The following YPEL2 variants were observed in gnomAD, a reference collection of about 807,000 sequenced individuals.
The protein encoded by YPEL2 is protein yippee-like 2.
A neutral mutation model predicts 19.1 loss-of-function variants in YPEL2; 2 were observed. The ratio of observed to expected loss-of-function variants is 0.10; its 90% CI spans 0.04 to 0.33. The LOEUF (loss-of-function observed/expected upper bound fraction) is 0.33, where lower values mean the gene tolerates loss of function less well. Among genes scored for constraint, YPEL2 ranks in the 10% least tolerant of loss-of-function variants. YPEL2 has a pLI of 1.00. For missense variants in YPEL2, 66 were observed against 140.7 expected (o/e 0.47, Z 2.68); for synonymous variants, 52 against 50.0 (o/e 1.04, Z -0.17).
intron 1 of YPEL2, among the ~76,000 whole-genome samples, chr17:59,339,350 T>G (rs1167129479): frequency 6.6e-6 from 1 of 152,158 alleles, no homozygotes; most frequent in Non-Finnish European, 1.5e-5. Flanking sequence ...GGAAAAGTTA[T>G]CCCCACACTT....
intron 2 of YPEL2, among the ~76,000 whole-genome samples, chr17:59,378,562 C>T (rs2047933889): frequency 1.3e-5 from 2 of 152,078 alleles, no homozygotes; most frequent in South Asian, 4.1e-4. Context: ...TCTTGAACTC[C>T]CTGACCTCAG....
chr17:59,381,904 G>C (rs181656111), intron 2 of YPEL2, among the ~76,000 whole-genome samples: 1 of 152,244 alleles, frequency 6.6e-6, no homozygotes, highest in Non-Finnish European at 1.5e-5. Context: ...TATTCTAATT[G>C]CTTCCTTAAC....
At chr17:59,372,712 A>G (rs954834350) in intron 2 of YPEL2, among the ~76,000 whole-genome samples, 6 of 152,200 alleles carry the variant, frequency 3.9e-5, no homozygotes, top group African/African-American at 2.4e-5. Flanking sequence ...GCAGATGCCT[A>G]AGAGAGGCAG....
chr17:59,375,072 G>A (rs1305559595), intron 2 of YPEL2, among the ~76,000 whole-genome samples: 2 of 152,180 alleles, frequency 1.3e-5, no homozygotes, highest in Admixed American at 6.5e-5. Flanking sequence ...AGAGTGATTG[G>A]CAGTAGAATG....
chr17:59,384,042 G>A (rs1026557646), intron 2 of YPEL2, among the ~76,000 whole-genome samples: 3 of 152,120 alleles, frequency 2.0e-5, no homozygotes, highest in African/African-American at 4.8e-5. Flanking sequence ...TGCCAGACTC[G>A]TTTCCAAAGT....
intron 1 of YPEL2, among the ~76,000 whole-genome samples, chr17:59,352,261 T>A (rs1049396132): frequency 6.6e-6 from 1 of 152,304 alleles, no homozygotes; most frequent in Non-Finnish European, 1.5e-5. Flanking sequence ...GGATAGCAGG[T>A]GCGGAAGCCT....
At chr17:59,372,450 G>A (rs903585921) in intron 2 of YPEL2, among the ~76,000 whole-genome samples, 2 of 152,172 alleles carry the variant, frequency 1.3e-5, no homozygotes, top group Admixed American at 6.5e-5. Flanking sequence ...ATGGCTTGCT[G>A]TCCTGGCTGG....
chr17:59,351,472 C>A (rs1207684261), intron 1 of YPEL2, among the ~76,000 whole-genome samples: 4 of 152,126 alleles, frequency 2.6e-5, no homozygotes, highest in Non-Finnish European at 5.9e-5. Context: ...ACTCTGGCAC[C>A]CAACAGCATT....
At chr17:59,376,966 A>C (rs1224410885) in intron 2 of YPEL2, among the ~76,000 whole-genome samples, 6 of 149,272 alleles carry the variant, frequency 4.0e-5, no homozygotes, top group Non-Finnish European at 8.8e-5. Context: ...AAAAAAAAAA[A>C]AAAAAAAAAC....
At chr17:59,363,469 G>A (rs773581915) in intron 2 of YPEL2, among the ~76,000 whole-genome samples, 1 of 151,832 alleles carries the variant, frequency 6.6e-6, no homozygotes, top group African/African-American at 2.4e-5. Context: ...CACCAGGCCC[G>A]GCTAATTTTT....
chr17:59,367,730 A>T (rs538886577), intron 2 of YPEL2, among the ~76,000 whole-genome samples: 183 of 152,258 alleles, frequency 1.2e-3, no homozygotes, highest in African/African-American at 4.2e-3. Context: ...GTCTTAATTG[A>T]CACCCTGGTG....
At chr17:59,363,776 T>C (rs559310205) in intron 2 of YPEL2, among the ~76,000 whole-genome samples, 7 of 152,366 alleles carry the variant, frequency 4.6e-5, no homozygotes, top group African/African-American at 1.4e-4. Context: ...GATCTGCTCA[T>C]GTACTTTTTG....
In YPEL2 at chr17:59,389,516, A is replaced by G. The variant is rs369765495; in HGVS notation, c.270+48A>G. The G allele has an allele frequency of 2.5e-4, 369 of 1,472,136 alleles. 1 individual carries two copies. The highest frequency in any genetic ancestry group is 4.9e-5 in the Non-Finnish European group (52 of 1,060,424). 91.2% of individuals were successfully genotyped at this position (1,472,136 alleles called of 1,614,324 possible). On this transcript the variant is annotated intron_variant, in intron 4 of 4. Coordinates refer to ENST00000312655, the MANE Select transcript of YPEL2 (RefSeq NM_001005404.4). ...GGTAGAGGGCTGGAAGGGAATTGCC[A>G]AGAGCCTTATGCCAGAACACTTTCT...
At chr17:59,356,306 A>AC (rs1025794184) in intron 2 of YPEL2, 1 of 144,570 alleles carries the variant, frequency 6.9e-6, no homozygotes, top group Non-Finnish European at 1.5e-5. Flanking sequence ...TTTGGTGCAA[A>AC]AAAAAAAAAA....
intron 4 of YPEL2, among the ~76,000 whole-genome samples, chr17:59,394,271 C>T (rs1036306821): frequency 2.6e-4 from 39 of 151,966 alleles, no homozygotes; most frequent in Non-Finnish European, 4.6e-4. Flanking sequence ...GGCTGCTGGG[C>T]GGAGGGTCTC....
intron 1 of YPEL2, among the ~76,000 whole-genome samples, chr17:59,334,571 A>AACACACACACACACACACACACACAC (rs35386954): frequency 6.9e-6 from 1 of 145,122 alleles, no homozygotes; most frequent in African/African-American, 2.6e-5. Flanking sequence ...TTCAGGCACA[A>AACACACACACACACACACACACACAC]ACACACACAC....
chr17:59,341,609 G>C (rs2047731403), intron 1 of YPEL2, among the ~76,000 whole-genome samples: 1 of 152,146 alleles, frequency 6.6e-6, no homozygotes, highest in South Asian at 2.1e-4. Context: ...CAGTGAGCCA[G>C]ATTGTGCCAT....
intron 2 of YPEL2, among the ~76,000 whole-genome samples, chr17:59,386,974 T>G (rs1455798684): frequency 6.6e-6 from 1 of 152,070 alleles, no homozygotes; most frequent in Non-Finnish European, 1.5e-5. Context: ...GTAAAGAAGT[T>G]TGTTGGCTGG....
intron 2 of YPEL2, among the ~76,000 whole-genome samples, chr17:59,383,573 CAAAAAAAAAAAAAAAAAAAAAAAA>C (rs1159710758): frequency 1.1e-4 from 3 of 26,146 alleles, no homozygotes; most frequent in African/African-American, 4.0e-4. Flanking sequence ...GACTCTGTCT[CAAAAAAAAAAAAAAAAAAAAAAAA>C]AAAAAAAAAA....
Sources: allele counts gnomAD v4.1 joint callset (sites outside exome capture counted in the v4.1 genomes callset), GRCh38; gene constraint gnomAD v4.1.1; transcripts MANE v1.5; gene names NCBI Gene and HGNC (gene_info 2026-07-23, HGNC 2026-07-21).